PGRMC2: variants seen among roughly 807,000 people sequenced by gnomAD.
PGRMC2 encodes progesterone receptor membrane component 2.
A neutral mutation model predicts 19.3 loss-of-function variants in PGRMC2; 9 were observed. The observed-to-expected ratio is 0.47, with a 90% CI of 0.28 to 0.81. The LOEUF is 0.81. Among genes scored for constraint, PGRMC2 ranks in the 40% least tolerant of loss-of-function variants. The probability of loss-of-function intolerance (pLI) is 0.11; values close to 1 mark genes in which losing one functional copy is unlikely to be tolerated. For synonymous variants in PGRMC2, 157 were observed against 124.6 expected (o/e 1.26, Z -1.73); for missense variants, 289 against 297.3 (o/e 0.97, Z 0.21).
rs1053185107 is a variant in PGRMC2, at chr4:128,270,022, C to A, written c.*1294G>T. On this transcript the variant is annotated 3_prime_UTR_variant, in exon 3 of 3. Transcript: ENST00000296425. ...GGTACAATGTGTACAACTTGGTTAA[C>A]CAGTGCCTGCTTTTCATTTCCAAGA... 1 of 152,636 alleles carries A rather than the reference C, an allele frequency of 6.6e-6. No homozygotes were observed. The highest frequency in any genetic ancestry group is 1.5e-5 in the Non-Finnish European group (1 of 68,036). 9.5% of individuals were successfully genotyped at this position (152,636 alleles called of 1,614,324 possible).
chr4:128,281,859 G>A (rs922391035), intron 1 of PGRMC2, among the ~76,000 whole-genome samples: 5 of 152,136 alleles, frequency 3.3e-5, no homozygotes, highest in Admixed American at 6.5e-5. Context: ...GGTATAGAAA[G>A]CATAGTAACA....
chr4:128,277,669 CA>C (rs1260679740), intron 1 of PGRMC2, among the ~76,000 whole-genome samples: 1 of 151,980 alleles, frequency 6.6e-6, no homozygotes, highest in Non-Finnish European at 1.5e-5. Context: ...TAATTTATTT[CA>C]AATAAGATTA....
Position 128,270,191 on chromosome 4 carries a change from C to T in PGRMC2, c.*1125G>A, listed in dbSNP as rs1406191470. ...AAAATGGTACTTGTATTTACAGTAT[C>T]TGCAGAAAGAGTCCCTTCCAAGGCC... is the stretch of plus-strand genomic sequence containing the variant. On this transcript the variant is annotated 3_prime_UTR_variant, in exon 3 of 3. Transcript: ENST00000296425. The T allele has an allele frequency of 4.6e-5, 7 of 152,626 alleles. No individual in the cohort carries two copies. The highest frequency in any genetic ancestry group is 1.0e-4 in the Non-Finnish European group (7 of 68,050). 9.5% of individuals were successfully genotyped at this position (152,626 alleles called of 1,614,324 possible).
rs954197995 is a variant in PGRMC2 at position 128,269,884 on chromosome 4, A to G, written c.*1432T>C. 5 of 152,386 alleles carry G rather than the reference A, an allele frequency of 3.3e-5. No individual in the cohort carries two copies. Among genetic ancestry groups the G allele is most frequent in the Non-Finnish European group, 7.3e-5 (5 of 68,042 alleles). 9.4% of individuals were successfully genotyped at this position (152,386 alleles called of 1,614,324 possible). A position where few individuals can be genotyped will look rare whatever the true frequency, so the allele number is the denominator to read the frequency against. On this transcript the variant is annotated 3_prime_UTR_variant, in exon 3 of 3. Transcript: ENST00000296425. ...TGTCTAGTATAATCAGTTGGCATCA[A>G]AATAGAAAGTAAAAAGATGTACATT...
Position 128,286,317 on chromosome 4 carries a change from T to C in PGRMC2, c.418+1056A>G, listed in dbSNP as rs571044734. On this transcript the variant is annotated intron_variant, in intron 1 of 2. Transcript: ENST00000296425. ...ACCAGGATGCACAATGTTGCTCAACTGTATGATATACCAACAGGTTCCATG... is the reference window on the plus strand; with the variant it reads ...ACCAGGATGCACAATGTTGCTCAACCGTATGATATACCAACAGGTTCCATG... Among the ~76,000 whole-genome samples the C allele has an allele frequency of 3.3e-5, 5 of 152,236 alleles. No individual in the cohort carries two copies. The East Asian group carries it at 9.7e-4, about 29-fold the overall frequency.
At chr4:128,276,305 A>G (rs1242274833) in intron 1 of PGRMC2, among the ~76,000 whole-genome samples, 4 of 152,164 alleles carry the variant, frequency 2.6e-5, no homozygotes, top group African/African-American at 9.7e-5. Context: ...GAAATGGTTT[A>G]AGTCTGTTGC....
intron 1 of PGRMC2, among the ~76,000 whole-genome samples, chr4:128,284,100 C>T (rs889968240): frequency 1.2e-4 from 18 of 152,064 alleles, no homozygotes; most frequent in African/African-American, 3.9e-4. Flanking sequence ...CGTGAGCCAC[C>T]GTGCCTGGCC....
At chr4:128,287,265 G>A (rs756934665) in intron 1 of PGRMC2, 108 bp downstream of exon 1, 1 of 1,317,386 alleles carries the variant, frequency 7.6e-7, no homozygotes, top group Non-Finnish European at 1.0e-6. Context: ...GGGGGTCCCG[G>A]AGACGAGAAG....
chr4:128,274,642 G>C lies in PGRMC2; in HGVS notation c.419-2125C>G, dbSNP rs181768493. Among the ~76,000 whole-genome samples, 4 of 151,550 alleles carry C rather than the reference G, an allele frequency of 2.6e-5. No individual in the cohort carries two copies. The East Asian group carries it at 7.7e-4, about 29-fold the overall frequency. ...TCAGGAGGACAAGGAGAGAGACAGAGACAGAGAACTAGTGTGTTTAAAAAT... is the reference window on the plus strand; with the variant it reads ...TCAGGAGGACAAGGAGAGAGACAGACACAGAGAACTAGTGTGTTTAAAAAT... On this transcript the variant is annotated intron_variant, in intron 1 of 2. Coordinates refer to ENST00000296425, the MANE Select transcript of PGRMC2 (RefSeq NM_006320.6).
Position 128,287,354 on chromosome 4 carries a change from TC to T in PGRMC2, c.418+18del. The T allele has an allele frequency of 6.3e-7, 1 of 1,581,664 alleles. No homozygotes were observed. Among genetic ancestry groups the T allele is most frequent in the South Asian group, 1.1e-5 (1 of 87,450 alleles). ...CTTCAGCTGCAGGGGGTCCTTCCCC[TC>T]CCCTTCCAACTCCTCACCCGGGCCG... On this transcript the variant is annotated intron_variant, in intron 1 of 2. Coordinates refer to ENST00000296425, the MANE Select transcript of PGRMC2 (RefSeq NM_006320.6).
Position 128,271,266 on chromosome 4 carries a change from G to C in PGRMC2, c.*50C>G, listed in dbSNP as rs372884133. The C allele has an allele frequency of 1.1e-6, 1 of 916,472 alleles. No homozygotes were observed. The highest frequency in any genetic ancestry group is 1.8e-6 in the Non-Finnish European group (1 of 562,528). 56.8% of individuals were successfully genotyped at this position (916,472 alleles called of 1,614,324 possible). A position where few individuals can be genotyped will look rare whatever the true frequency, so the allele number is the denominator to read the frequency against. ...AAGACTCCGGACAGTCTGTGAAAGG[G>C]AGTAAGAATTGCAGTTCTGAAGGCC... On this transcript the variant is annotated 3_prime_UTR_variant, in exon 3 of 3. Transcript: ENST00000296425.
intron 1 of PGRMC2, 123 bp from the exon 2 acceptor site, chr4:128,272,640 G>A (rs556138015): frequency 2.0e-6 from 1 of 507,152 alleles, no homozygotes; most frequent in South Asian, 7.8e-5. Context: ...ATTCACATTT[G>A]TATATACCCT....
intron 1 of PGRMC2, among the ~76,000 whole-genome samples, chr4:128,274,089 T>G (rs1254491096): frequency 6.6e-6 from 1 of 152,208 alleles, no homozygotes. Context: ...TACCTGTAAT[T>G]TATTTAATCA....
chr4:128,277,068 A>T (rs1197391534), intron 1 of PGRMC2, among the ~76,000 whole-genome samples: 1 of 152,102 alleles, frequency 6.6e-6, no homozygotes, highest in Non-Finnish European at 1.5e-5. Context: ...GAGGCAGGAG[A>T]ATGGCGTGAA....
chr4:128,279,438 C>G (rs1000301797), intron 1 of PGRMC2, among the ~76,000 whole-genome samples: 2 of 152,102 alleles, frequency 1.3e-5, no homozygotes, highest in Non-Finnish European at 2.9e-5. Context: ...GCATTTTCAT[C>G]AAGTGTAAAT....
At chr4:128,281,993 TA>T (rs1450791890) in intron 1 of PGRMC2, among the ~76,000 whole-genome samples, 85 of 152,352 alleles carry the variant, frequency 5.6e-4, no homozygotes, top group African/African-American at 1.8e-3. Flanking sequence ...CTTAGCCACT[TA>T]ATCTAAATAA....
At chr4:128,278,896 G>C (rs1407399992) in intron 1 of PGRMC2, among the ~76,000 whole-genome samples, 1 of 152,076 alleles carries the variant, frequency 6.6e-6, no homozygotes, top group Non-Finnish European at 1.5e-5. Context: ...AAATCTGTAC[G>C]ATCAATATGA....
chr4:128,278,910 T>C (rs1488269518), intron 1 of PGRMC2, among the ~76,000 whole-genome samples: 4 of 152,100 alleles, frequency 2.6e-5, no homozygotes, highest in Non-Finnish European at 4.4e-5. Context: ...AATATGATGA[T>C]TGAAAAACTG....
intron 1 of PGRMC2, chr4:128,287,158 T>A (rs1365241171): frequency 1.4e-5 from 7 of 492,376 alleles, no homozygotes; most frequent in Non-Finnish European, 2.5e-5. Context: ...CCGGGGACCC[T>A]GGTTTCGGGG....
Sources: allele counts gnomAD v4.1 joint callset (sites outside exome capture counted in the v4.1 genomes callset), GRCh38; gene constraint gnomAD v4.1.1; transcripts MANE v1.5; gene names NCBI Gene and HGNC (gene_info 2026-07-23, HGNC 2026-07-21).